Variants in COMMD10 observed in about 807,000 individuals in gnomAD.
COMMD10 encodes COMM domain-containing protein 10.
COMMD10 carries 33 observed loss-of-function variants against 28.9 expected under a neutral mutation model. The ratio of observed to expected loss-of-function variants is 1.14; its 90% confidence interval spans 0.87 to 1.53. COMMD10 has a LOEUF of 1.53. Ranked by LOEUF, COMMD10 falls within the 40% of genes most tolerant of loss-of-function variation. COMMD10 has a pLI of 0.00. For missense variants in COMMD10, 310 were observed against 233.4 expected (o/e 1.33, Z -2.14); for synonymous variants, 110 against 81.7 (o/e 1.35, Z -1.87).
At chr5:116,172,369 T>G (rs1277683735) in intron 5 of COMMD10, among the ~76,000 whole-genome samples, 2 of 151,984 alleles carry the variant, frequency 1.3e-5, no homozygotes, top group African/African-American at 4.8e-5. Flanking sequence ...TGAAGAAAAA[T>G]ACTATGATGA....
At chr5:116,086,666 G>T (rs912633136) in intron 1 of COMMD10, among the ~76,000 whole-genome samples, 1 of 152,132 alleles carries the variant, frequency 6.6e-6, no homozygotes, top group Non-Finnish European at 1.5e-5. Context: ...CACCATGTTG[G>T]CTAGGCTGGT....
intron 5 of COMMD10, among the ~76,000 whole-genome samples, chr5:116,239,033 A>G (rs923499053): frequency 2.0e-5 from 3 of 152,158 alleles, no homozygotes; most frequent in Non-Finnish European, 4.4e-5. Context: ...TTTAAAGTGT[A>G]TGTCTTCTAT....
chr5:116,204,566 C>T (rs1282927384), intron 5 of COMMD10, among the ~76,000 whole-genome samples: 1 of 152,040 alleles, frequency 6.6e-6, no homozygotes, highest in South Asian at 2.1e-4. Flanking sequence ...CTCTATGTTA[C>T]AGGCAGAAGT....
intron 5 of COMMD10, among the ~76,000 whole-genome samples, chr5:116,273,383 C>T (rs539105688): frequency 6.6e-6 from 1 of 151,940 alleles, no homozygotes; most frequent in African/African-American, 2.4e-5. Context: ...TTGATAGATG[C>T]TGTCACCATT....
At chr5:116,245,080 T>C (rs11241381) in intron 5 of COMMD10, among the ~76,000 whole-genome samples, 56,743 of 150,758 alleles carry the variant, frequency 0.38, 13,300 homozygotes, top group African/African-American at 0.68. Flanking sequence ...AATACATAGA[T>C]CACTAGCTAG....
rs574005236 is a variant in COMMD10, at chr5:116,186,416, C to T, written c.510+52238C>T. 3.9e-5 allele frequency among the ~76,000 whole-genome samples: 6 copies of T among 152,148 alleles called. No homozygotes were observed. The East Asian group carries it at 1.2e-3, about 29-fold the overall frequency. On this transcript the variant is annotated intron_variant, in intron 5 of 6. Coordinates refer to ENST00000274458, the MANE Select transcript of COMMD10 (RefSeq NM_016144.4). ...CTAGCTCTAAGCACTTTTTTCATTT[C>T]ATGAAATACAGTTAATATTCTCCTT...
chr5:116,249,621 T>C (rs1004895375), intron 5 of COMMD10, among the ~76,000 whole-genome samples: 8 of 151,974 alleles, frequency 5.3e-5, no homozygotes, highest in African/African-American at 1.9e-4. Flanking sequence ...AACATTTGAA[T>C]TCTGAAAGAT....
At chr5:116,119,914 C>A (rs1398184864) in intron 4 of COMMD10, among the ~76,000 whole-genome samples, 3 of 152,062 alleles carry the variant, frequency 2.0e-5, no homozygotes, top group African/African-American at 7.3e-5. Flanking sequence ...GTCACTGTGC[C>A]TGCCTTGTAT....
At chr5:116,265,023 T>C (rs566227977) in intron 5 of COMMD10, among the ~76,000 whole-genome samples, 1 of 151,954 alleles carries the variant, frequency 6.6e-6, no homozygotes, top group African/African-American at 2.4e-5. Context: ...GCTTAATCTC[T>C]GGATTTGGTC....
At chr5:116,131,324 A>C (rs1751853366) in intron 4 of COMMD10, among the ~76,000 whole-genome samples, 1 of 151,958 alleles carries the variant, frequency 6.6e-6, no homozygotes. Context: ...CATTATAAAA[A>C]GGATTTCTGG....
At chr5:116,204,565 A>G (rs753347853) in intron 5 of COMMD10, among the ~76,000 whole-genome samples, 4 of 152,122 alleles carry the variant, frequency 2.6e-5, no homozygotes, top group Non-Finnish European at 5.9e-5. Flanking sequence ...CCTCTATGTT[A>G]CAGGCAGAAG....
intron 5 of COMMD10, among the ~76,000 whole-genome samples, chr5:116,288,892 T>G (rs1751289406): frequency 7.0e-6 from 1 of 143,626 alleles, no homozygotes; most frequent in African/African-American, 2.6e-5. Flanking sequence ...TTTTTTTTTT[T>G]TTTTTTTGTG....
intron 5 of COMMD10, among the ~76,000 whole-genome samples, chr5:116,268,608 C>T (rs1346116718): frequency 6.6e-6 from 1 of 151,876 alleles, no homozygotes; most frequent in Non-Finnish European, 1.5e-5. Flanking sequence ...TGGGTATATA[C>T]CCAAAGGAAT....
intron 5 of COMMD10, among the ~76,000 whole-genome samples, chr5:116,213,230 A>T (rs1027436806): frequency 3.9e-5 from 6 of 152,100 alleles, no homozygotes; most frequent in Non-Finnish European, 7.4e-5. Flanking sequence ...TACTAAAGCA[A>T]TTCTTAATAA....
chr5:116,097,960 C>T (rs191044720), intron 4 of COMMD10, among the ~76,000 whole-genome samples: 3 of 152,288 alleles, frequency 2.0e-5, no homozygotes, highest in Non-Finnish European at 4.4e-5. Context: ...GGGCCCACCT[C>T]CAACACTGGA....
chr5:116,223,660 G>C (rs1050436186), intron 5 of COMMD10, among the ~76,000 whole-genome samples: 1 of 152,180 alleles, frequency 6.6e-6, no homozygotes, highest in Non-Finnish European at 1.5e-5. Flanking sequence ...GAGAGGGACA[G>C]AAGGGGTTTG....
chr5:116,089,156 A>G (rs1750216875), intron 2 of COMMD10, among the ~76,000 whole-genome samples: 1 of 152,134 alleles, frequency 6.6e-6, no homozygotes, highest in Non-Finnish European at 1.5e-5. Flanking sequence ...CTTGTTTTTG[A>G]CTGTTGTGGT....
chr5:116,203,232 G>A (rs185337580), intron 5 of COMMD10, among the ~76,000 whole-genome samples: 2 of 152,128 alleles, frequency 1.3e-5, no homozygotes, highest in East Asian at 1.9e-4. Flanking sequence ...AAGAAATATG[G>A]GACTATGTGA....
intron 4 of COMMD10, among the ~76,000 whole-genome samples, chr5:116,106,911 T>C (rs200107764): frequency 6.6e-6 from 1 of 152,226 alleles, no homozygotes; most frequent in Admixed American, 6.5e-5. Flanking sequence ...AGCACACCAA[T>C]GAGTCTTGAC....
Sources: gnomAD v4.1 joint callset for allele counts (sites outside exome capture counted in the v4.1 genomes callset) on GRCh38, gnomAD v4.1.1 for gene constraint, MANE v1.5 for transcripts, NCBI Gene and HGNC (gene_info 2026-07-23, HGNC 2026-07-21) for gene names.